Variants in ZMYM3 observed in about 807,000 individuals in gnomAD.
The protein encoded by ZMYM3 is zinc finger MYM-type protein 3.
In ZMYM3, 6 loss-of-function variants were observed where a neutral mutation model predicts 94.2. The observed-to-expected ratio is 0.06, with a 90% confidence interval of 0.03 to 0.13. ZMYM3 has a LOEUF of 0.13. Among genes scored for constraint, ZMYM3 ranks in the 10% least tolerant of loss-of-function variants. The pLI is 1.00. For missense variants in ZMYM3, 664 were observed against 1,132.6 expected (o/e 0.59, Z 5.94); for synonymous variants, 420 against 426.5 (o/e 0.98, Z 0.19).
intron 13 of ZMYM3, 150 bp downstream of exon 13, chrX:71,247,195 C>T (rs930411677): frequency 3.2e-5 from 16 of 500,565 alleles, no homozygotes; most frequent in African/African-American, 1.7e-4. Context: ...CTGCAGGGTT[C>T]GGAAGCTAAA....
At chrX:71,254,249 G>A (rs1340492280), upstream of ZMYM3, 1 of 112,813 alleles carries the variant, frequency 8.9e-6, no homozygotes. Context: ...AGACAGCGCC[G>A]GCCCCCGGCG....
chrX:71,242,486 C>T, intron 22 of ZMYM3, 62 bp from the exon 23 acceptor site: 2 of 1,173,280 alleles, frequency 1.7e-6, no homozygotes, highest in Non-Finnish European at 2.3e-6. Context: ...CCAACCACTT[C>T]CCATCCCATG....
In ZMYM3 at chrX:71,250,444, G is replaced by A. The variant is rs185559378; in HGVS notation, c.1061C>T (p.Thr354Ile). The change falls in exon 5 of 25, where the codon ACC (threonine) becomes ATC (isoleucine). Residue 354 changes from threonine to isoleucine, a missense_variant. Physicochemically the swap from Thr to Ile is moderately conservative, Grantham distance 89. Transcript: ENST00000314425. ...GACCCTCACGCACTTCTTGCAGAAG[G>A]TACAGGTCTTTTTGCCCGAGGGCTT... The part of the protein sequence containing the change: ...SKKPSGKKTC[T>I]FCKKEIWNTK... 3.4e-4 allele frequency: 415 copies of A among 1,207,673 alleles called. 3 individuals are homozygous for A. The Admixed American group carries it at 9.0e-3, about 26-fold the overall frequency.
chrX:71,246,148 T>C (rs370445130), intron 15 of ZMYM3, 50 bp from the exon 16 acceptor site: 55 of 1,142,197 alleles, frequency 4.8e-5, no homozygotes, highest in Non-Finnish European at 6.4e-5. Context: ...ACTGGTCACA[T>C]CTGACCCACC....
chrX:71,252,467 C>G, intron 2 of ZMYM3, 122 bp downstream of exon 2: 1 of 749,061 alleles, frequency 1.3e-6, no homozygotes, highest in Non-Finnish European at 1.8e-6. Context: ...TCCTTCCCCA[C>G]ACACATCCCT....
chrX:71,250,124 A>G lies in ZMYM3; in HGVS notation c.1153T>C (p.Cys385Arg). ...TGCTGGGCCTCATACAGGGAGAGAC[A>G]GACGGATGTGCAGAACTCATGGAAG... Reference protein sequence around the residue: ...GSFHEFCTSVCLSLYEAQQQR... With the variant: ...GSFHEFCTSVRLSLYEAQQQR... The change falls in exon 6 of 25, where the codon TGT becomes CGT. Residue 385 changes from cysteine to arginine, a missense_variant. Physicochemically the swap from Cys to Arg is radical, Grantham distance 180. Around this residue, in one of 9 missense-constraint regions of ZMYM3, gnomAD observed 51 missense variants for 53.0 expected, o/e 0.96. Transcript: ENST00000314425. 1 of 1,208,261 alleles carries G rather than the reference A, an allele frequency of 8.3e-7. No individual in the cohort carries two copies. The highest frequency in any genetic ancestry group is 1.1e-6 in the Non-Finnish European group (1 of 894,025).
chrX:71,241,350 G>C lies in ZMYM3; in HGVS notation c.3803-6C>G. ...CCGTTTTCCAGGACCCGTGTCTATA[G>C]GGGAGGGAAATGATTCAGACTCATT... On this transcript the variant is annotated splice_polypyrimidine_tract_variant and splice_region_variant and intron_variant, in intron 23 of 24. Coordinates refer to ENST00000314425, the MANE Select transcript of ZMYM3 (RefSeq NM_201599.3). 2.6e-6 allele frequency: 3 copies of C among 1,172,691 alleles called. No homozygotes were observed. The highest frequency in any genetic ancestry group is 3.4e-6 in the Non-Finnish European group (3 of 872,119).
In ZMYM3 at chrX:71,248,320, G is replaced by C. The variant is rs984458547; in HGVS notation, c.1825-8C>G. ...GAACTGGAACACTTGGTCCTGAGGT[G>C]GGGGCACAGGGCAGGGAGGACAAGC... On this transcript the variant is annotated splice_polypyrimidine_tract_variant and splice_region_variant and intron_variant, in intron 10 of 24. Coordinates refer to ENST00000314425, the MANE Select transcript of ZMYM3 (RefSeq NM_201599.3). The C allele has an allele frequency of 4.2e-6, 5 of 1,198,207 alleles. No individual in the cohort carries two copies. The highest frequency in any genetic ancestry group is 1.8e-5 in the South Asian group (1 of 54,414).
In ZMYM3 at chrX:71,245,760, A is replaced by C; in HGVS notation, c.2768T>G (p.Ile923Ser). Residue 923 changes from isoleucine (I) to serine (S), a missense_variant, in exon 17 of 25, where the codon ATC becomes AGC. Physicochemically the swap from Ile to Ser is moderately radical, Grantham distance 142 (BLOSUM62 -2). Around this residue, in one of 9 missense-constraint regions of ZMYM3, gnomAD observed 75 missense variants for 152.5 expected, o/e 0.49. Coordinates refer to ENST00000314425, the MANE Select transcript of ZMYM3 (RefSeq NM_201599.3). The part of the protein sequence containing the change: ...VETIEELKVK[I>S]PSNPLEADIL... ...GTCGGCCTCCAAGGGGTTGGAAGGGATCTTCACCTTCAGCTCCTCAATGGT... is the reference window on the plus strand; with the variant it reads ...GTCGGCCTCCAAGGGGTTGGAAGGGCTCTTCACCTTCAGCTCCTCAATGGT... The C allele has an allele frequency of 8.3e-7, 1 of 1,211,634 alleles. No homozygotes were observed. Among genetic ancestry groups the C allele is most frequent in the Non-Finnish European group, 1.1e-6 (1 of 895,481 alleles).
At chrX:71,250,308 C>T in intron 5 of ZMYM3, 105 bp from the exon 6 acceptor site, 2 of 1,089,945 alleles carry the variant, frequency 1.8e-6, no homozygotes, top group South Asian at 2.3e-5. Flanking sequence ...AATACTCTGA[C>T]TCTCTCCCTA....
At position 71,251,580 on chromosome X, in the gene ZMYM3, G is replaced by A. The variant is rs778248651; in HGVS notation, c.689C>T (p.Ala230Val). 12 of 1,190,176 alleles carry A rather than the reference G, an allele frequency of 1.0e-5. No individual in the cohort carries two copies. The highest frequency in any genetic ancestry group is 1.4e-5 in the Non-Finnish European group (12 of 885,552). ...CACCCGTTCAGGCGGCTTCTCACTC[G>A]CCTTCGCAGTCAGGCCATCTCCTGC... ...SLPGDGLTAK[A>V]SEKPPERKRS... The change falls in exon 3 of 25, where the codon GCG becomes GTG. Residue 230 changes from alanine (A) to valine (V), a missense_variant. Physicochemically the swap from Ala to Val is moderately conservative, Grantham distance 64 (BLOSUM62 0). Coordinates refer to ENST00000314425, the MANE Select transcript of ZMYM3 (RefSeq NM_201599.3).
chrX:71,245,753 G>A lies in ZMYM3; in HGVS notation c.2775C>T (p.Ser925=), dbSNP rs1287982159. Residue 925 remains serine (S), a synonymous_variant, in exon 17 of 25, where the codon TCC becomes TCT. Transcript: ENST00000314425. ...TIEELKVKIP[S]NPLEADILAM... is the part of the protein sequence containing the mutation. ...CCAGGATGTCGGCCTCCAAGGGGTT[G>A]GAAGGGATCTTCACCTTCAGCTCCT... 8.3e-6 allele frequency: 10 copies of A among 1,211,720 alleles called. No homozygotes were observed. The Admixed American group carries it at 2.2e-4, about 26-fold the overall frequency.
chrX:71,253,536 C>T (rs760217225), intron 1 of ZMYM3, among the ~76,000 whole-genome samples: 2 of 96,153 alleles, frequency 2.1e-5, no homozygotes, highest in African/African-American at 7.7e-5. Context: ...CGCCCACCCC[C>T]CTACTCGACT....
At position 71,248,745 on chromosome X, in the gene ZMYM3, T is replaced by G. The variant is rs937809555; in HGVS notation, c.1678A>C (p.Asn560His). The change falls in exon 9 of 25, where the codon AAC becomes CAC. Residue 560 changes from asparagine to histidine, a missense_variant. Physicochemically the swap from Asn to His is moderately conservative, Grantham distance 68. Coordinates refer to ENST00000314425, the MANE Select transcript of ZMYM3 (RefSeq NM_201599.3). Reference protein sequence around the residue: ...RRSLSDPCYYNKVDRTVYQFC... With the variant: ...RRSLSDPCYYHKVDRTVYQFC... ...TGGTAGACTGTGCGGTCAACCTTGT[T>G]GTAGTAACAGGGGTCAGAGAGGCTG... The G allele has an allele frequency of 8.3e-7, 1 of 1,206,703 alleles. No homozygotes were observed. Among genetic ancestry groups the G allele is most frequent in the Non-Finnish European group, 1.1e-6 (1 of 893,810 alleles).
intron 13 of ZMYM3, 109 bp downstream of exon 13, chrX:71,247,236 A>C: frequency 3.8e-4 from 257 of 677,523 alleles, no homozygotes; most frequent in Non-Finnish European, 5.1e-4. Context: ...CTAGCACCCT[A>C]TCTGGCCAGG....
intron 12 of ZMYM3, 108 bp from the exon 13 acceptor site, chrX:71,247,618 G>C: frequency 3.5e-6 from 4 of 1,137,491 alleles, no homozygotes; most frequent in Non-Finnish European, 4.7e-6. Context: ...GGCCAGCTTA[G>C]AGATGGAAGG....
chrX:71,253,051 C>G lies in ZMYM3; in HGVS notation c.205G>C (p.Asp69His). 8.3e-7 allele frequency: 1 copy of G among 1,201,398 alleles called. No individual in the cohort carries two copies. Among genetic ancestry groups the G allele is most frequent in the Non-Finnish European group, 1.1e-6 (1 of 889,820 alleles). ...GTGGCTCCATCCAGGACTCCAGGGT[C>G]TTTTTCCAGGCCAGCAGGGGTATCA... ...LLDTPAGLEK[D>H]PGVLDGATEL... is the part of the protein sequence containing the mutation. Residue 69 changes from aspartate to histidine, a missense_variant, in exon 2 of 25, where the codon GAC (aspartate) becomes CAC (histidine). Transcript: ENST00000314425.
intron 2 of ZMYM3, 167 bp from the exon 3 acceptor site, chrX:71,251,768 G>T: frequency 1.3e-6 from 1 of 752,393 alleles, no homozygotes; most frequent in South Asian, 6.8e-5. Flanking sequence ...CTCAGGCTCT[G>T]TACTAAGGGT....
chrX:71,241,381 C>T (rs2029938208), intron 23 of ZMYM3, 37 bp from the exon 24 acceptor site: 2 of 1,082,122 alleles, frequency 1.8e-6, no homozygotes, highest in Non-Finnish European at 2.5e-6. Context: ...TCATTAAGAA[C>T]ACAGGCTCCA....
Sources: gnomAD v4.1 joint callset for allele counts (sites outside exome capture counted in the v4.1 genomes callset) on GRCh38, gnomAD v4.1.1 for gene constraint, gnomAD v4.1.1 regional missense constraint, MANE v1.5 for transcripts, NCBI Gene and HGNC (gene_info 2026-07-23, HGNC 2026-07-21) for gene names.